PDE3B: variants seen among roughly 807,000 people sequenced by gnomAD.
The protein encoded by PDE3B is phosphodiesterase 3B, also known as cGMP-inhibited 3',5'-cyclic phosphodiesterase 3B.
Under a neutral mutation model 116.8 loss-of-function variants are expected in PDE3B, and 66 were observed. The ratio of observed to expected loss-of-function variants is 0.56; its 90% CI spans 0.46 to 0.69. The LOEUF (loss-of-function observed/expected upper bound fraction) is 0.69, where lower values mean the gene tolerates loss of function less well. PDE3B is among the 30% of genes least tolerant of loss of function. The pLI, the probability that PDE3B is intolerant of heterozygous loss-of-function variation, is 0.00. For synonymous variants in PDE3B, 595 were observed against 533.6 expected (o/e 1.12, Z -1.59); for missense variants, 1,384 against 1,368.1 (o/e 1.01, Z -0.18).
chr11:14,671,052 C>T (rs562314110), intron 1 of PDE3B, among the ~76,000 whole-genome samples: 36 of 152,136 alleles, frequency 2.4e-4, no homozygotes, highest in South Asian at 1.9e-3. Context: ...CCAGGTATTG[C>T]GCTGGATACT....
chr11:14,877,606 T>C, the PDE3B span: 1 of 152,568 alleles, frequency 6.6e-6, no homozygotes, highest in African/African-American at 2.4e-5. Context: ...CTACATTAAA[T>C]ACATATTTCT....
intron 1 of PDE3B, among the ~76,000 whole-genome samples, chr11:14,730,028 A>G (rs968899118): frequency 1.2e-4 from 19 of 152,206 alleles, no homozygotes; most frequent in African/African-American, 3.4e-4. Flanking sequence ...TAGGACCACA[A>G]CCAAAATCAC....
At chr11:14,721,183 A>T (rs1856062708) in intron 1 of PDE3B, among the ~76,000 whole-genome samples, 3 of 152,172 alleles carry the variant, frequency 2.0e-5, no homozygotes. Flanking sequence ...AATGCTCATC[A>T]TCACTGGCCA....
intron 1 of PDE3B, among the ~76,000 whole-genome samples, chr11:14,679,840 T>G (rs1854645972): frequency 6.6e-6 from 1 of 152,054 alleles, no homozygotes; most frequent in Admixed American, 6.6e-5. Context: ...GTTCACGGAA[T>G]GGAGCAAAGT....
rs765159441 is a variant in PDE3B, at chr11:14,644,492, C to A, written c.417C>A (p.Thr139=). 3 of 1,612,636 alleles carry A rather than the reference C, an allele frequency of 1.9e-6. No homozygotes were observed. The change falls in exon 1 of 16, where the codon ACC becomes ACA. Residue 139 remains threonine (T), a synonymous_variant. Transcript: ENST00000282096. ...FFFLTCFLTR[T]KRGPGPGRSC... ...TCCTCACCTGCTTCCTCACCCGGAC[C>A]AAGCGGGGACCCGGCCCGGGCCGGA...
intron 1 of PDE3B, among the ~76,000 whole-genome samples, chr11:14,740,342 G>A (rs1056518301): frequency 1.3e-5 from 2 of 152,128 alleles, no homozygotes; most frequent in African/African-American, 4.8e-5. Context: ...GGGTGTATGT[G>A]TCCGGGAATT....
intron 1 of PDE3B, among the ~76,000 whole-genome samples, chr11:14,698,524 T>C (rs527538376): frequency 1.2e-3 from 177 of 152,012 alleles, no homozygotes; most frequent in African/African-American, 4.0e-3. Flanking sequence ...TAAATTATCA[T>C]TTTTATTTTT....
In PDE3B at chr11:14,644,198, G is replaced by C; in HGVS notation, c.123G>C (p.Gln41His). The C allele has an allele frequency of 6.3e-7, 1 of 1,596,700 alleles. No individual in the cohort carries two copies. Among genetic ancestry groups the C allele is most frequent in the Non-Finnish European group, 8.5e-7 (1 of 1,177,656 alleles). ...AGAGCTGCGTGAGCCCCTTGCGGCA[G>C]GACCCTCCGCGCGGCTTCTTCTTCC... ...YVKSCVSPLR[Q>H]DPPRGFFFHL... The change falls in exon 1 of 16, where the codon CAG (glutamine) becomes CAC (histidine). Residue 41 changes from glutamine (Q) to histidine (H), a missense_variant. By Grantham distance (24) the Gln-to-His change is conservative (BLOSUM62 0). This residue lies in a region of PDE3B where 956 missense variants were observed against 806.8 expected (regional missense o/e 1.18). Transcript: ENST00000282096.
intron 5 of PDE3B, among the ~76,000 whole-genome samples, chr11:14,804,679 T>C (rs1858866898): frequency 6.6e-6 from 1 of 152,220 alleles, no homozygotes; most frequent in South Asian, 2.1e-4. Context: ...GAAAATATTA[T>C]TGATAATCAA....
rs542049522 is a variant in PDE3B at position 14,688,761 on chromosome 11, G to T, written c.978+43708G>T. Among the ~76,000 whole-genome samples the T allele has an allele frequency of 4.1e-4, 63 of 151,978 alleles. 1 individual carries two copies. Among genetic ancestry groups the T allele is most frequent in the Admixed American group, 5.2e-4 (8 of 15,242 alleles). ...ATGTGGCTCATCAGCCACATATTTGGTTTTTTTGTTGTTGTTGTTGTTTGT... is the reference window on the plus strand; with the variant it reads ...ATGTGGCTCATCAGCCACATATTTGTTTTTTTTGTTGTTGTTGTTGTTTGT... On this transcript the variant is annotated intron_variant, in intron 1 of 15. Coordinates refer to ENST00000282096, the MANE Select transcript of PDE3B (RefSeq NM_000922.4).
chr11:14,652,128 T>A (rs1243829394), intron 1 of PDE3B, among the ~76,000 whole-genome samples: 1 of 152,202 alleles, frequency 6.6e-6, no homozygotes, highest in African/African-American at 2.4e-5. Context: ...CATTTTGAGT[T>A]AATTTTTGTA....
At chr11:14,728,580 G>A (rs1856377746) in intron 1 of PDE3B, among the ~76,000 whole-genome samples, 1 of 152,024 alleles carries the variant, frequency 6.6e-6, no homozygotes, top group African/African-American at 2.4e-5. Context: ...AGGAAACTGA[G>A]GTTGCAGAGG....
the PDE3B span, chr11:14,885,782 T>G: frequency 2.5e-6 from 4 of 1,612,436 alleles, no homozygotes; most frequent in Non-Finnish European, 3.4e-6. Context: ...ATACCTCCCA[T>G]TTTTGTCATC....
At chr11:14,866,344 A>G (rs1157744606) in intron 14 of PDE3B, among the ~76,000 whole-genome samples, 2 of 152,152 alleles carry the variant, frequency 1.3e-5, no homozygotes, top group African/African-American at 4.8e-5. Context: ...CTTCTTTCTC[A>G]TTCTGGTTAT....
At chr11:14,892,380 G>C in the PDE3B span, 2 of 643,918 alleles carry the variant, frequency 3.1e-6, no homozygotes, top group Non-Finnish European at 5.4e-6. Flanking sequence ...AGTTTTGCGC[G>C]GCTGAGAGTG....
At chr11:14,752,627 T>C (rs1857084629) in intron 1 of PDE3B, among the ~76,000 whole-genome samples, 1 of 152,142 alleles carries the variant, frequency 6.6e-6, no homozygotes, top group African/African-American at 2.4e-5. Flanking sequence ...TTTTATTAAA[T>C]TTTAAGGAGA....
intron 2 of PDE3B, among the ~76,000 whole-genome samples, chr11:14,782,214 C>A (rs1858028537): frequency 2.0e-5 from 3 of 152,268 alleles, no homozygotes; most frequent in Admixed American, 2.0e-4. Flanking sequence ...AATGCCATCC[C>A]CAACAAGCTA....
chr11:14,704,249 A>G (rs1272707106), intron 1 of PDE3B, among the ~76,000 whole-genome samples: 1 of 151,772 alleles, frequency 6.6e-6, no homozygotes, highest in Non-Finnish European at 1.5e-5. Flanking sequence ...TGACTACATA[A>G]TAAAGCCTAT....
chr11:14,710,138 C>T (rs1281343153), intron 1 of PDE3B, among the ~76,000 whole-genome samples: 1 of 152,144 alleles, frequency 6.6e-6, no homozygotes, highest in Non-Finnish European at 1.5e-5. Flanking sequence ...TGAAGCTTAC[C>T]TCTGTAACTT....
Sources: allele counts gnomAD v4.1 joint callset (sites outside exome capture counted in the v4.1 genomes callset), GRCh38; gene constraint gnomAD v4.1.1; regional missense constraint gnomAD v4.1.1; transcripts MANE v1.5; gene names NCBI Gene and HGNC (gene_info 2026-07-23, HGNC 2026-07-21).